The following FGF13 variants were observed in gnomAD, a reference collection of about 807,000 sequenced individuals.
FGF13 encodes fibroblast growth factor homologous factor 2.
In FGF13, 2 loss-of-function variants were observed where a neutral mutation model predicts 19.5. That is an observed-to-expected ratio of 0.10 (90% CI 0.04 to 0.32). FGF13 has a LOEUF of 0.32. FGF13 is among the 10% of genes least tolerant of loss of function. The probability of loss-of-function intolerance (pLI) is 1.00; values close to 1 mark genes in which losing one functional copy is unlikely to be tolerated. For missense variants in FGF13, 113 were observed against 192.7 expected, an observed-to-expected ratio of 0.59 and a Z score of 2.45; for synonymous variants, 72 against 76.9, an observed-to-expected ratio of 0.94 and a Z score of 0.33.
chrX:139,190,229 A>T (rs2084314063), intron 1 of FGF13, among the ~76,000 whole-genome samples: 1 of 112,103 alleles, frequency 8.9e-6, no homozygotes, highest in Non-Finnish European at 1.9e-5. Flanking sequence ...CCTGTATTTT[A>T]GAAATAAGAA....
Position 138,620,709 on chromosome X carries a change from G to C in FGF13, c.*12141C>G, listed in dbSNP as rs970847496. ...AGTGAGTGGCTGAATGGATGAAAAA[G>C]GAAGAACTAAGTACTTGCTATCTAT... On this transcript the variant is annotated 3_prime_UTR_variant, in exon 5 of 5. Coordinates refer to ENST00000315930, the MANE Select transcript of FGF13 (RefSeq NM_004114.5). 1 of 111,427 alleles carries C rather than the reference G, an allele frequency of 9.0e-6. No individual in the cohort carries two copies. The highest frequency in any genetic ancestry group is 9.6e-5 in the Admixed American group (1 of 10,448). 9.2% of individuals were successfully genotyped at this position (111,427 alleles called of 1,213,427 possible). A position where few individuals can be genotyped will look rare whatever the true frequency, so the allele number is the denominator to read the frequency against.
chrX:139,063,216 C>A (rs1398204601), intron 1 of FGF13, among the ~76,000 whole-genome samples: 1 of 111,040 alleles, frequency 9.0e-6, no homozygotes, highest in Non-Finnish European at 1.9e-5. Flanking sequence ...ATAACATTTT[C>A]TTCTTGTTTC....
chrX:139,065,684 G>C (rs186505732), intron 1 of FGF13, among the ~76,000 whole-genome samples: 88 of 110,294 alleles, frequency 8.0e-4, no homozygotes, highest in Non-Finnish European at 1.2e-3. Context: ...CAAGTTCTTA[G>C]AGACCTACAA....
intron 3 of FGF13, among the ~76,000 whole-genome samples, chrX:138,748,854 TA>T (rs980441112): frequency 1.8e-5 from 2 of 111,533 alleles, no homozygotes; most frequent in African/African-American, 6.5e-5. Context: ...CTTACCACAA[TA>T]AAAATATTTT....
At chrX:138,970,560 G>A (rs972405379) in intron 1 of FGF13, among the ~76,000 whole-genome samples, 10 of 111,614 alleles carry the variant, frequency 9.0e-5, no homozygotes, top group East Asian at 2.8e-4. Context: ...CCCAGAGCGC[G>A]TCAGGATGCT....
At chrX:138,784,328 ATT>A (rs1569394131) in intron 3 of FGF13, among the ~76,000 whole-genome samples, 163 of 106,713 alleles carry the variant, frequency 1.5e-3, no homozygotes, top group African/African-American at 5.3e-3. Context: ...TAAAAAAAAA[ATT>A]AAAAAAAAAA....
chrX:139,157,326 T>A (rs2083984181), intron 1 of FGF13, among the ~76,000 whole-genome samples: 1 of 111,725 alleles, frequency 9.0e-6, no homozygotes, highest in Non-Finnish European at 1.9e-5. Flanking sequence ...CTTCCACTTC[T>A]ATCTTGTTTA....
At chrX:139,036,881 C>T (rs1351869185) in intron 1 of FGF13, among the ~76,000 whole-genome samples, 1 of 110,502 alleles carries the variant, frequency 9.0e-6, no homozygotes, top group African/African-American at 3.3e-5. Flanking sequence ...GAAAACCCAC[C>T]CCCATTATTC....
intron 1 of FGF13, among the ~76,000 whole-genome samples, chrX:139,042,942 C>T (rs1219392394): frequency 2.7e-5 from 3 of 111,561 alleles, no homozygotes; most frequent in Non-Finnish European, 5.6e-5. Flanking sequence ...TCTGGATCCA[C>T]AATGTTTGCC....
chrX:139,159,156 A>G (rs1187615646), intron 1 of FGF13, among the ~76,000 whole-genome samples: 1 of 112,253 alleles, frequency 8.9e-6, no homozygotes, highest in Non-Finnish European at 1.9e-5. Context: ...AAGCCAGAAG[A>G]GAGTGGGGGC....
Position 138,630,512 on chromosome X carries a change from G to A in FGF13, c.*2338C>T, listed in dbSNP as rs765040421. The A allele has an allele frequency of 5.5e-5, 6 of 109,922 alleles. No homozygotes were observed. The highest frequency in any genetic ancestry group is 1.1e-4 in the Non-Finnish European group (6 of 52,784). The allele number at this position is 109,922 out of a possible 1,213,427, so 9.1% of individuals were successfully genotyped here. A position where few individuals can be genotyped will look rare whatever the true frequency, so the allele number is the denominator to read the frequency against. ...AGGCAGGTGAGCGTACCTCATGTAG[G>A]TGTGTTTAGAGCTCAGGCAGGATGA... On this transcript the variant is annotated 3_prime_UTR_variant, in exon 5 of 5. Coordinates refer to ENST00000315930, the MANE Select transcript of FGF13 (RefSeq NM_004114.5).
chrX:138,718,843 A>T (rs2090128373), intron 1 of FGF13, among the ~76,000 whole-genome samples: 1 of 112,192 alleles, frequency 8.9e-6, no homozygotes, highest in Non-Finnish European at 1.9e-5. Context: ...TTTTCCCAAA[A>T]CTGGGGTTGG....
intron 1 of FGF13, among the ~76,000 whole-genome samples, chrX:138,916,340 G>A (rs1412670260): frequency 9.0e-6 from 1 of 111,600 alleles, no homozygotes; most frequent in African/African-American, 3.3e-5. Flanking sequence ...CAAGTGAAAT[G>A]AGCTCATTTG....
At chrX:139,162,754 A>G (rs976310822) in intron 1 of FGF13, among the ~76,000 whole-genome samples, 1 of 112,496 alleles carries the variant, frequency 8.9e-6, no homozygotes, top group African/African-American at 3.2e-5. Context: ...CACTTCTCAA[A>G]AGAAGACATT....
intron 1 of FGF13, among the ~76,000 whole-genome samples, chrX:139,028,079 T>C (rs2124389962): frequency 8.9e-6 from 1 of 111,902 alleles, no homozygotes; most frequent in South Asian, 3.8e-4. Context: ...TGTACTTGTC[T>C]AGGAGTAAGT....
At chrX:138,740,688 A>C (rs1329947201), upstream of FGF13, among the ~76,000 whole-genome samples, 1 of 111,883 alleles carries the variant, frequency 8.9e-6, no homozygotes, top group Admixed American at 9.4e-5. Flanking sequence ...TTTAGAACCC[A>C]AAAAGGCAAA....
upstream of FGF13, chrX:138,739,419 A>C (rs1422077482): frequency 1.5e-5 from 7 of 462,438 alleles, no homozygotes; most frequent in Admixed American, 9.5e-5. Context: ...CTCAGTATAG[A>C]GAGATCATTA....
At chrX:138,950,625 T>A (rs970902722) in intron 1 of FGF13, among the ~76,000 whole-genome samples, 6 of 112,117 alleles carry the variant, frequency 5.4e-5, no homozygotes, top group Non-Finnish European at 9.4e-5. Context: ...GCACATTGTG[T>A]TTCTGGAAAA....
At chrX:139,137,552 G>A (rs2083810474) in intron 1 of FGF13, among the ~76,000 whole-genome samples, 1 of 112,028 alleles carries the variant, frequency 8.9e-6, no homozygotes, top group Non-Finnish European at 1.9e-5. Context: ...TTAGGGCTAA[G>A]CACACAGAAG....
Sources: gnomAD v4.1 joint callset for allele counts (sites outside exome capture counted in the v4.1 genomes callset) on GRCh38, gnomAD v4.1.1 for gene constraint, MANE v1.5 for transcripts, NCBI Gene and HGNC (gene_info 2026-07-23, HGNC 2026-07-21) for gene names.